Variants in HECTD3 observed in about 807,000 individuals in gnomAD.
HECTD3 encodes the protein E3 ubiquitin-protein ligase HECTD3.
A neutral mutation model predicts 109.3 loss-of-function variants in HECTD3; 72 were observed. That is an observed-to-expected ratio of 0.66 (90% CI 0.54 to 0.80). The LOEUF is 0.80. HECTD3 is among the 30% of genes least tolerant of loss of function. HECTD3 has a pLI of 0.00. For synonymous variants in HECTD3, 481 were observed against 471.8 expected, an observed-to-expected ratio of 1.02 and a Z score of -0.25; for missense variants, 1,041 against 1,165.2, an observed-to-expected ratio of 0.89 and a Z score of 1.55.
Position 45,008,095 on chromosome 1 carries a change from C to A in HECTD3, c.1320+145G>T, listed in dbSNP as rs149526343. On this transcript the variant is annotated intron_variant, in intron 9 of 20. Coordinates refer to ENST00000372172, the MANE Select transcript of HECTD3 (RefSeq NM_024602.6). ...CAGCCTCCCAAACACTAAATTTGGA[C>A]CATTTGTTCTGGCTTTCTTCCTATG... is the stretch of plus-strand genomic sequence containing the variant. The A allele has an allele frequency of 9.3e-3, 6,041 of 652,502 alleles. 41 individuals are homozygous for A. Among genetic ancestry groups the A allele is most frequent in the Middle Eastern group, 0.013 (32 of 2,374 alleles). 40.4% of individuals were successfully genotyped at this position (652,502 alleles called of 1,614,324 possible).
chr1:45,005,529 TAAAG>T, intron 15 of HECTD3: 1 of 369,414 alleles, frequency 2.7e-6, no homozygotes, highest in Non-Finnish European at 4.9e-6. Flanking sequence ...TCGGAGAAGA[TAAAG>T]AACACACTGA....
rs922323702 is a variant in HECTD3 at position 45,006,473 on chromosome 1, T to C, written c.1725+219A>G. Among the ~76,000 whole-genome samples, 1 of 152,110 alleles carries C rather than the reference T, an allele frequency of 6.6e-6. No homozygotes were observed. The highest frequency in any genetic ancestry group is 1.5e-5 in the Non-Finnish European group (1 of 68,014). On this transcript the variant is annotated intron_variant, in intron 13 of 20. Transcript: ENST00000372172. This position sits in a 1 kb window ranked among gnomAD's most constrained non-coding sequence, Gnocchi z 4.7. ...GGCGCGTGCCACCACGCCCGGCTAA[T>C]TTTTTATTTTTATAGAGATGGGGCT...
In HECTD3 at chr1:45,003,163, C is replaced by G. The variant is rs2148975317; in HGVS notation, c.*329G>C. 3.4e-6 allele frequency: 1 copy of G among 290,470 alleles called. No homozygotes were observed. Among genetic ancestry groups the G allele is most frequent in the Middle Eastern group, 1.1e-3 (1 of 948 alleles). 18.0% of individuals were successfully genotyped at this position (290,470 alleles called of 1,614,324 possible). On this transcript the variant is annotated 3_prime_UTR_variant, in exon 21 of 21. Transcript: ENST00000372172. This position sits in a 1 kb window ranked among gnomAD's most constrained non-coding sequence, Gnocchi z 4.7. ...AAAAAGGCGGAGCTGAAAATGGAGGCAAAGTCCATGGGTTGGGGACCTAGA... is the reference window on the plus strand; with the variant it reads ...AAAAAGGCGGAGCTGAAAATGGAGGGAAAGTCCATGGGTTGGGGACCTAGA...
intron 15 of HECTD3, 29 bp from the exon 16 acceptor site, chr1:45,004,835 A>C: frequency 6.3e-7 from 1 of 1,591,232 alleles, no homozygotes; most frequent in Admixed American, 1.7e-5. Context: ...CAGGGAGGTA[A>C]CCTTTTCACT....
chr1:45,008,523 G>A lies in HECTD3; in HGVS notation c.1238+13C>T. 2 of 1,611,714 alleles carry A rather than the reference G, an allele frequency of 1.2e-6. No homozygotes were observed. The stretch of plus-strand genomic sequence containing the variant: ...GGGAAGGGAAGGGCCCATAGGTCCA[G>A]GACCACAGCCACCTCTGCAGGAGGA... On this transcript the variant is annotated intron_variant, in intron 8 of 20. Coordinates refer to ENST00000372172, the MANE Select transcript of HECTD3 (RefSeq NM_024602.6).
chr1:45,009,329 G>T, intron 6 of HECTD3, 40 bp downstream of exon 6: 1 of 1,563,032 alleles, frequency 6.4e-7, no homozygotes, highest in Non-Finnish European at 8.8e-7. Flanking sequence ...GGCTAGGCTT[G>T]GAACATGCCC....
chr1:45,008,483 A>G, intron 8 of HECTD3, 53 bp downstream of exon 8: 3 of 1,588,242 alleles, frequency 1.9e-6, no homozygotes, highest in Non-Finnish European at 2.6e-6. Flanking sequence ...GCAGACACAC[A>G]AGGCTCAATG....
intron 1 of HECTD3, 68 bp downstream of exon 1, chr1:45,010,821 G>A (rs1644784071): frequency 2.0e-6 from 3 of 1,504,712 alleles, no homozygotes; most frequent in East Asian, 2.3e-5. Flanking sequence ...GGGGAGAAAA[G>A]GCAAACAGCC....
chr1:45,008,093 G>A (rs1340375361), intron 9 of HECTD3, 147 bp downstream of exon 9: 30 of 648,744 alleles, frequency 4.6e-5, no homozygotes, highest in Non-Finnish European at 6.5e-5. Context: ...ACTAAATTTG[G>A]ACCATTTGTT....
Position 45,003,641 on chromosome 1 carries a change from C to A in HECTD3, c.2501+28G>T. The A allele has an allele frequency of 6.2e-7, 1 of 1,613,810 alleles. No homozygotes were observed. Among genetic ancestry groups the A allele is most frequent in the Non-Finnish European group, 8.5e-7 (1 of 1,179,744 alleles). ...CCAGGGGTGATGGGGTCCCCTGGGC[C>A]CCAAATCGAGCCTAGGAAAAAACCC... On this transcript the variant is annotated intron_variant, in intron 20 of 20. Transcript: ENST00000372172. This position sits in a 1 kb window ranked among gnomAD's most constrained non-coding sequence, Gnocchi z 4.7.
rs190402457 is a variant in HECTD3, at chr1:45,010,158, G to A, written c.624-37C>T. The A allele has an allele frequency of 1.1e-3, 1,723 of 1,613,888 alleles. 1 individual carries two copies. Among genetic ancestry groups the A allele is most frequent in the Non-Finnish European group, 1.4e-3 (1,595 of 1,179,930 alleles). On this transcript the variant is annotated intron_variant, in intron 3 of 20. Transcript: ENST00000372172. ...CAAGCCCCTAATTAGACTGGGCCCA[G>A]ACGCAGAGCTCCTTCCTCCCCACCC...
chr1:45,003,183 C>A lies in HECTD3; in HGVS notation c.*309G>T. ...GGAGGCAAAGTCCATGGGTTGGGGA[C>A]CTAGATGGCCCCCTTCAAGTAGCTC... On this transcript the variant is annotated 3_prime_UTR_variant, in exon 21 of 21. Transcript: ENST00000372172. The surrounding 1 kb of genome is among the most constrained non-coding windows in gnomAD (Gnocchi z 4.7). 2.7e-6 allele frequency: 1 copy of A among 373,372 alleles called. No homozygotes were observed. 23.1% of individuals were successfully genotyped at this position (373,372 alleles called of 1,614,324 possible). A position where few individuals can be genotyped will look rare whatever the true frequency, so the allele number is the denominator to read the frequency against.
rs201935586 is a variant in HECTD3, at chr1:45,004,101, C to T, written c.2306G>A (p.Arg769Gln). The T allele has an allele frequency of 2.3e-5, 37 of 1,614,026 alleles. No homozygotes were observed. Among genetic ancestry groups the T allele is most frequent in the Non-Finnish European group, 2.9e-5 (34 of 1,180,038 alleles). The change falls in exon 18 of 21, where the codon CGG (arginine) becomes CAG (glutamine). Residue 769 changes from arginine (R) to glutamine (Q), a missense_variant. Physicochemically the swap from Arg to Gln is conservative, Grantham distance 43. This residue lies in a region of HECTD3 where 569 missense variants were observed against 715.3 expected (regional missense o/e 0.80). Transcript: ENST00000372172. Reference protein sequence around the residue: ...RFEDFEPSDSRVQYFWEALNN... With the variant: ...RFEDFEPSDSQVQYFWEALNN... The stretch of plus-strand genomic sequence containing the variant: ...CAGTGCCTCCCAGAAATACTGCACC[C>T]GCGAGTCAGATGGCTCGAAGTCCTC...
At chr1:45,008,025 C>T (rs1644751349) in intron 9 of HECTD3, among the ~76,000 whole-genome samples, 1 of 152,202 alleles carries the variant, frequency 6.6e-6, no homozygotes, top group Non-Finnish European at 1.5e-5. Context: ...TGTCAATAGC[C>T]CTTGGGTATT....
intron 7 of HECTD3, 61 bp downstream of exon 7, chr1:45,009,083 C>A: frequency 2.3e-6 from 3 of 1,293,204 alleles, no homozygotes; most frequent in Non-Finnish European, 3.4e-6. Flanking sequence ...CACACACACT[C>A]TCTGTTTGCC....
intron 15 of HECTD3, chr1:45,005,200 C>T (rs1644724071): frequency 9.2e-6 from 3 of 327,228 alleles, no homozygotes; most frequent in Non-Finnish European, 1.8e-5. Context: ...GCATTCTATC[C>T]TAAGCCCAGG....
chr1:45,005,930 G>A, intron 14 of HECTD3, 47 bp from the exon 15 acceptor site: 1 of 1,606,146 alleles, frequency 6.2e-7, no homozygotes, highest in Admixed American at 1.7e-5. Flanking sequence ...GAGCTGCCCA[G>A]GTTTGGCTGG....
chr1:45,008,718 G>C lies in HECTD3; in HGVS notation c.1073-17C>G, dbSNP rs754744455. On this transcript the variant is annotated splice_polypyrimidine_tract_variant and intron_variant, in intron 7 of 20. Coordinates refer to ENST00000372172, the MANE Select transcript of HECTD3 (RefSeq NM_024602.6). ...TCCCATCATCTGGGGGAAGGGGTCA[G>C]AGTAAGGTCATTTACAGCACCTGCT... The C allele has an allele frequency of 4.4e-6, 7 of 1,608,460 alleles. No individual in the cohort carries two copies. The African/African-American group carries it at 8.0e-5, about 18-fold the overall frequency.
chr1:45,010,852 G>A (rs908660129), intron 1 of HECTD3, 37 bp downstream of exon 1: 1 of 1,507,486 alleles, frequency 6.6e-7, no homozygotes. Flanking sequence ...CTGGCCCCAG[G>A]GGTCTTTTAC....
Sources: gnomAD v4.1 joint callset for allele counts (sites outside exome capture counted in the v4.1 genomes callset) on GRCh38, gnomAD v4.1.1 for gene constraint, gnomAD v4.1.1 regional missense constraint, Gnocchi (gnomAD v3.1) non-coding constraint, MANE v1.5 for transcripts, NCBI Gene and HGNC (gene_info 2026-07-23, HGNC 2026-07-21) for gene names.